The following KIRREL3 variants were observed in gnomAD, a reference collection of about 807,000 sequenced individuals.
The protein encoded by KIRREL3 is kirre like nephrin family adhesion molecule 3.
KIRREL3 carries 36 observed loss-of-function variants against 89.7 expected under a neutral mutation model. The observed-to-expected ratio is 0.40, with a 90% CI of 0.31 to 0.53. The LOEUF (loss-of-function observed/expected upper bound fraction) is 0.53. Among genes scored for constraint, KIRREL3 ranks in the 20% least tolerant of loss-of-function variants. The pLI is 0.49. For synonymous variants in KIRREL3, 445 were observed against 441.4 expected, an observed-to-expected ratio of 1.01 and a Z score of -0.10; for missense variants, 864 against 1,056.6, an observed-to-expected ratio of 0.82 and a Z score of 2.53.
chr11:126,706,327 C>T (rs1034172027), intron 1 of KIRREL3, among the ~76,000 whole-genome samples: 2 of 151,902 alleles, frequency 1.3e-5, no homozygotes, highest in African/African-American at 4.8e-5. Context: ...TAATTAATAC[C>T]ACACTTAATA....
In KIRREL3 at chr11:126,552,550, GTTTTTTTTTTTTTTTT is replaced by G. The variant is rs59392843; in HGVS notation, c.133+10269_133+10284del. Among the ~76,000 whole-genome samples the G allele has an allele frequency of 1.1e-4, 9 of 81,752 alleles. 1 individual carries two copies. The highest frequency in any genetic ancestry group is 6.1e-4 in the South Asian group (1 of 1,632). 53.6% of individuals were successfully genotyped at this position (81,752 alleles called of 152,430 possible). A position where few individuals can be genotyped will look rare whatever the true frequency, so the allele number is the denominator to read the frequency against. ...TGCATCACACAGGGGAGAGAGAAAA[GTTTTTTTTTTTTTTTT>G]TTTTTTTTTTTTTTTGAGACAGAGT... On this transcript the variant is annotated intron_variant, in intron 2 of 16. Coordinates refer to ENST00000525144, the MANE Select transcript of KIRREL3 (RefSeq NM_032531.4).
intron 1 of KIRREL3, among the ~76,000 whole-genome samples, chr11:126,790,593 T>C (rs1950607728): frequency 6.6e-6 from 1 of 152,236 alleles, no homozygotes; most frequent in Non-Finnish European, 1.5e-5. Context: ...ATGTGATCCA[T>C]TATTTTTTTT....
intron 1 of KIRREL3, among the ~76,000 whole-genome samples, chr11:126,749,789 C>A (rs555726571): frequency 6.6e-6 from 1 of 152,296 alleles, no homozygotes; most frequent in East Asian, 1.9e-4. Context: ...ACCGGACCCT[C>A]AACATGTTCA....
chr11:126,910,426 G>T (rs1033548498), intron 1 of KIRREL3, among the ~76,000 whole-genome samples: 8 of 152,142 alleles, frequency 5.3e-5, no homozygotes, highest in African/African-American at 1.9e-4. Flanking sequence ...CTTTGTAGTT[G>T]TCTGTATGAG....
At chr11:126,633,148 G>A (rs1410744265) in intron 1 of KIRREL3, among the ~76,000 whole-genome samples, 7 of 152,078 alleles carry the variant, frequency 4.6e-5, no homozygotes, top group Admixed American at 4.6e-4. Flanking sequence ...CCATGATTTG[G>A]GTATGGTATG....
chr11:126,998,470 T>C (rs1286873517), intron 1 of KIRREL3, among the ~76,000 whole-genome samples: 1 of 152,152 alleles, frequency 6.6e-6, no homozygotes. Context: ...TTTGGTAGGG[T>C]GGACAGTGAT....
chr11:126,975,758 C>A lies in KIRREL3; in HGVS notation c.55+24697G>T, dbSNP rs902476250. On this transcript the variant is annotated intron_variant, in intron 1 of 16. Coordinates refer to ENST00000525144, the MANE Select transcript of KIRREL3 (RefSeq NM_032531.4). Reference sequence around the variant, plus strand: ...TAGAATCTTCAAGTTTAAAAAAGCACCCCAGTTGATTCTCATGCACAATAA... The same window carrying A: ...TAGAATCTTCAAGTTTAAAAAAGCAACCCAGTTGATTCTCATGCACAATAA... Among the ~76,000 whole-genome samples the A allele has an allele frequency of 2.6e-5, 4 of 152,154 alleles. No individual in the cohort carries two copies. The South Asian group carries it at 6.2e-4, about 24-fold the overall frequency.
intron 1 of KIRREL3, among the ~76,000 whole-genome samples, chr11:126,959,542 C>T (rs913892875): frequency 1.3e-5 from 2 of 152,228 alleles, no homozygotes; most frequent in African/African-American, 4.8e-5. Context: ...CAAGACCACA[C>T]TTATGTTGGA....
rs181316749 is a variant in KIRREL3, at chr11:126,569,753, G to A, written c.56-6841C>T. ...GATGGTGAGGGAGGTCCTTGCAAAA[G>A]GCCTTGAAAGCTGGAGATTGTCCCT... On this transcript the variant is annotated intron_variant, in intron 1 of 16. Transcript: ENST00000525144. This position sits in a 1 kb window ranked among gnomAD's most constrained non-coding sequence, Gnocchi z 6.5. Among the ~76,000 whole-genome samples the A allele has an allele frequency of 1.6e-4, 25 of 152,272 alleles. No homozygotes were observed. The highest frequency in any genetic ancestry group is 3.4e-3 in the Middle Eastern group (1 of 294).
chr11:126,537,823 C>T lies in KIRREL3; in HGVS notation c.134-11136G>A, dbSNP rs371548455. Among the ~76,000 whole-genome samples, 10 of 152,246 alleles carry T rather than the reference C, an allele frequency of 6.6e-5. No individual in the cohort carries two copies. The highest frequency in any genetic ancestry group is 2.9e-5 in the Non-Finnish European group (2 of 68,040). On this transcript the variant is annotated intron_variant, in intron 2 of 16. Transcript: ENST00000525144. This position sits in a 1 kb window ranked among gnomAD's most constrained non-coding sequence, Gnocchi z 4.3. Reference sequence around the variant, plus strand: ...TTTCACAAAGGGTCATTCTTACTTTCGTCACTATCCACAAGTCTTTCCTGA... The same window carrying T: ...TTTCACAAAGGGTCATTCTTACTTTTGTCACTATCCACAAGTCTTTCCTGA...
chr11:126,425,105 C>G, intron 16 of KIRREL3, 82 bp from the exon 17 acceptor site: 7 of 1,309,500 alleles, frequency 5.3e-6, no homozygotes, highest in Non-Finnish European at 7.2e-6. Context: ...GAGCCCGTCC[C>G]CTTATGCGGG....
chr11:126,918,282 C>G lies in KIRREL3; in HGVS notation c.55+82173G>C, dbSNP rs2134957078. 6.6e-6 allele frequency among the ~76,000 whole-genome samples: 1 copy of G among 152,288 alleles called. No individual in the cohort carries two copies. On this transcript the variant is annotated intron_variant, in intron 1 of 16. Coordinates refer to ENST00000525144, the MANE Select transcript of KIRREL3 (RefSeq NM_032531.4). This position sits in a 1 kb window ranked among gnomAD's most constrained non-coding sequence, Gnocchi z 6.5. ...GATGCTGGGCAGATCCAGTGAATTG[C>G]AAGTAAGCAAATAAACATGATTTAA... is the stretch of plus-strand genomic sequence containing the variant.
chr11:126,767,455 T>A (rs949392305), intron 1 of KIRREL3, among the ~76,000 whole-genome samples: 1 of 152,162 alleles, frequency 6.6e-6, no homozygotes, highest in African/African-American at 2.4e-5. Context: ...TGTAGACAAC[T>A]AATTCCAGGG....
chr11:126,876,628 C>A lies in KIRREL3; in HGVS notation c.55+123827G>T, dbSNP rs1362435286. On this transcript the variant is annotated intron_variant, in intron 1 of 16. Transcript: ENST00000525144. This position sits in a 1 kb window ranked among gnomAD's most constrained non-coding sequence, Gnocchi z 4.1. ...CCTTGGCCCACTGCAACCTCCACCT[C>A]CAGGGTTCAAGCAATTGTCCTGCCT... is the stretch of plus-strand genomic sequence containing the variant. 2.0e-5 allele frequency among the ~76,000 whole-genome samples: 3 copies of A among 151,836 alleles called. No individual in the cohort carries two copies. Among genetic ancestry groups the A allele is most frequent in the African/African-American group, 7.3e-5 (3 of 41,312 alleles).
At chr11:126,779,533 C>A (rs981114386) in intron 1 of KIRREL3, among the ~76,000 whole-genome samples, 9 of 152,116 alleles carry the variant, frequency 5.9e-5, no homozygotes, top group African/African-American at 2.2e-4. Flanking sequence ...ATCATTATAA[C>A]ACATCTCTCA....
intron 1 of KIRREL3, among the ~76,000 whole-genome samples, chr11:126,838,242 T>TAG (rs1401299152): frequency 6.6e-6 from 1 of 152,228 alleles, no homozygotes; most frequent in Non-Finnish European, 1.5e-5. Flanking sequence ...AATACATTGA[T>TAG]TTCTCTCTTT....
rs117549983 is a variant in KIRREL3, at chr11:126,627,726, G to T, written c.56-64814C>A. On this transcript the variant is annotated intron_variant, in intron 1 of 16. Coordinates refer to ENST00000525144, the MANE Select transcript of KIRREL3 (RefSeq NM_032531.4). The surrounding 1 kb of genome is among the most constrained non-coding windows in gnomAD (Gnocchi z 5.0). Reference sequence around the variant, plus strand: ...AGAAGGGAGATGGCATTGGCGGCAGGAGGGAGGGAGAAGAATGTTCTTTAT... The same window carrying T: ...AGAAGGGAGATGGCATTGGCGGCAGTAGGGAGGGAGAAGAATGTTCTTTAT... 1.3e-5 allele frequency among the ~76,000 whole-genome samples: 2 copies of T among 152,232 alleles called. No individual in the cohort carries two copies. The highest frequency in any genetic ancestry group is 4.8e-5 in the African/African-American group (2 of 41,466).
intron 1 of KIRREL3, among the ~76,000 whole-genome samples, chr11:126,882,496 T>C (rs1333998238): frequency 6.6e-6 from 1 of 150,888 alleles, no homozygotes; most frequent in African/African-American, 2.5e-5. Flanking sequence ...TCCCATGCAA[T>C]TGTGACCAGG....
At chr11:126,460,759 C>T (rs1196647256) in intron 6 of KIRREL3, among the ~76,000 whole-genome samples, 3 of 152,156 alleles carry the variant, frequency 2.0e-5, no homozygotes, top group Admixed American at 6.5e-5. Flanking sequence ...GTTAGGAGGG[C>T]GAGTTTCCCG....
Sources: allele counts gnomAD v4.1 joint callset (sites outside exome capture counted in the v4.1 genomes callset), GRCh38; gene constraint gnomAD v4.1.1; non-coding constraint Gnocchi (gnomAD v3.1); transcripts MANE v1.5; gene names NCBI Gene and HGNC (gene_info 2026-07-23, HGNC 2026-07-21).